Variants in CUBN observed in about 807,000 individuals in gnomAD.
CUBN encodes cubilin.
Under a neutral mutation model 405.3 loss-of-function variants are expected in CUBN, and 282 were observed. That is an observed-to-expected ratio of 0.70 (90% confidence interval 0.63 to 0.77). The LOEUF (loss-of-function observed/expected upper bound fraction) is 0.77. Ranked by LOEUF, CUBN falls within the 30% of genes least tolerant of loss-of-function variation. CUBN has a pLI of 0.00. For missense variants in CUBN, 4,514 were observed against 4,475.2 expected, an observed-to-expected ratio of 1.01 and a Z score of -0.25; for synonymous variants, 1,684 against 1,617.0, an observed-to-expected ratio of 1.04 and a Z score of -0.99.
At chr10:17,018,885 C>T (rs557357540) in intron 28 of CUBN, among the ~76,000 whole-genome samples, 7 of 151,340 alleles carry the variant, frequency 4.6e-5, no homozygotes, top group South Asian at 4.2e-4. Flanking sequence ...AGACACAGAG[C>T]GCTGATTGGT....
At chr10:17,034,474 G>A (rs556957322) in intron 27 of CUBN, among the ~76,000 whole-genome samples, 2 of 152,170 alleles carry the variant, frequency 1.3e-5, no homozygotes, top group Non-Finnish European at 2.9e-5. Flanking sequence ...CCCCAGGAGA[G>A]AGCATTGAAG....
chr10:16,873,409 T>A (rs1302355318), intron 58 of CUBN, among the ~76,000 whole-genome samples: 10 of 152,040 alleles, frequency 6.6e-5, no homozygotes, highest in Non-Finnish European at 1.3e-4. Flanking sequence ...AAAAATAGAT[T>A]TCTTAAGTAG....
intron 28 of CUBN, among the ~76,000 whole-genome samples, chr10:17,009,929 G>T: frequency 6.6e-6 from 1 of 152,174 alleles, no homozygotes; most frequent in Non-Finnish European, 1.5e-5. Context: ...ATCTCAGAAG[G>T]ATTCTCCAGT....
intron 62 of CUBN, among the ~76,000 whole-genome samples, chr10:16,837,524 T>C (rs1016207070): frequency 6.6e-6 from 1 of 152,200 alleles, no homozygotes; most frequent in African/African-American, 2.4e-5. Flanking sequence ...ATTTCCTTTC[T>C]GAACCCTTTA....
rs189327160 is a variant in CUBN at position 17,046,947 on chromosome 10, T to C, written c.3329+467A>G. 1.5e-4 allele frequency among the ~76,000 whole-genome samples: 23 copies of C among 152,294 alleles called. 1 individual carries two copies. Among genetic ancestry groups the C allele is most frequent in the Admixed American group, 1.5e-3 (23 of 15,292 alleles). ...TGATGATAATGAAAGAATAATGCCT[T>C]GTACTGAAATTCACAAGCCTAGACT... On this transcript the variant is annotated intron_variant, in intron 23 of 66. Coordinates refer to ENST00000377833, the MANE Select transcript of CUBN (RefSeq NM_001081.4).
intron 22 of CUBN, among the ~76,000 whole-genome samples, chr10:17,052,558 A>G (rs1588613037): frequency 6.6e-6 from 1 of 151,766 alleles, no homozygotes. Flanking sequence ...GGAGTCCGAG[A>G]CCAGCCTGGC....
intron 51 of CUBN, 103 bp downstream of exon 51, chr10:16,903,863 G>T: frequency 2.6e-6 from 2 of 780,028 alleles, no homozygotes; most frequent in Non-Finnish European, 4.0e-6. Flanking sequence ...AAAACTAATA[G>T]CTATGTAGAA....
At chr10:17,114,299 T>C in intron 7 of CUBN, 110 bp from the exon 8 acceptor site, 2 of 1,094,694 alleles carry the variant, frequency 1.8e-6, no homozygotes, top group Non-Finnish European at 2.7e-6. Flanking sequence ...TTCATTTCCA[T>C]AAGGCCAATC....
At chr10:16,876,124 T>C (rs1283886166) in intron 57 of CUBN, among the ~76,000 whole-genome samples, 4 of 152,216 alleles carry the variant, frequency 2.6e-5, no homozygotes, top group African/African-American at 9.6e-5. Context: ...AGGGAAACTA[T>C]TTAACTTTCT....
At chr10:16,898,204 T>G (rs536020864) in intron 54 of CUBN, among the ~76,000 whole-genome samples, 1 of 152,042 alleles carries the variant, frequency 6.6e-6, no homozygotes, top group African/African-American at 2.4e-5. Context: ...CTTTGACTCA[T>G]CAAGTGACTT....
chr10:17,005,231 C>T (rs1833985056), intron 28 of CUBN, among the ~76,000 whole-genome samples: 1 of 152,200 alleles, frequency 6.6e-6, no homozygotes, highest in Non-Finnish European at 1.5e-5. Context: ...TTCTATCACT[C>T]CCTTTCCCTA....
At chr10:17,088,053 A>T in intron 15 of CUBN, 111 bp downstream of exon 15, 1 of 781,790 alleles carries the variant, frequency 1.3e-6, no homozygotes. Context: ...CTATTGAGAA[A>T]CACACCTAAC....
chr10:17,113,966 T>C, intron 8 of CUBN, 61 bp downstream of exon 8: 1 of 1,539,930 alleles, frequency 6.5e-7, no homozygotes, highest in African/African-American at 1.4e-5. Flanking sequence ...TGAAAGAAAA[T>C]TGGTTCTGGC....
chr10:16,914,989 A>G, intron 47 of CUBN, 43 bp downstream of exon 47: 4 of 1,548,516 alleles, frequency 2.6e-6, no homozygotes, highest in Non-Finnish European at 3.6e-6. Flanking sequence ...TGTCTGTCCA[A>G]TGCAGGTGCT....
chr10:16,944,937 G>T (rs561066230), intron 36 of CUBN, among the ~76,000 whole-genome samples: 73 of 152,322 alleles, frequency 4.8e-4, no homozygotes, highest in Non-Finnish European at 7.5e-4. Context: ...CACTAGCTGT[G>T]TGGTATGCGT....
intron 28 of CUBN, among the ~76,000 whole-genome samples, chr10:17,012,117 T>C (rs1213280006): frequency 2.0e-5 from 3 of 152,162 alleles, no homozygotes; most frequent in Non-Finnish European, 4.4e-5. Flanking sequence ...AGTTGTTAGT[T>C]GAGCTCATTT....
intron 31 of CUBN, among the ~76,000 whole-genome samples, chr10:16,966,143 G>C (rs1410140697): frequency 6.6e-6 from 1 of 152,204 alleles, no homozygotes; most frequent in Non-Finnish European, 1.5e-5. Flanking sequence ...CTGCAATCAA[G>C]CATCCTCAGT....
chr10:17,125,675 C>T (rs1267795340), intron 4 of CUBN, among the ~76,000 whole-genome samples: 1 of 152,086 alleles, frequency 6.6e-6, no homozygotes, highest in Non-Finnish European at 1.5e-5. Flanking sequence ...CTGTGGTGGC[C>T]AGAGAGCATT....
intron 58 of CUBN, 124 bp from the exon 59 acceptor site, chr10:16,869,977 T>C (rs1840304287): frequency 8.1e-6 from 6 of 736,660 alleles, no homozygotes; most frequent in Non-Finnish European, 1.5e-5. Context: ...ACTCACTTGA[T>C]ATGAAATATT....
Sources: gnomAD v4.1 joint callset for allele counts (sites outside exome capture counted in the v4.1 genomes callset) on GRCh38, gnomAD v4.1.1 for gene constraint, MANE v1.5 for transcripts, NCBI Gene and HGNC (gene_info 2026-07-23, HGNC 2026-07-21) for gene names.